Variants in ENTHD1 observed in about 807,000 individuals in gnomAD.
ENTHD1 encodes ENTH domain-containing protein 1.
Under a neutral mutation model 39.1 loss-of-function variants are expected in ENTHD1, and 23 were observed. The observed-to-expected ratio is 0.59, with a 90% confidence interval of 0.42 to 0.83. The LOEUF (loss-of-function observed/expected upper bound fraction) is 0.83. ENTHD1 is among the 40% of genes least tolerant of loss of function. ENTHD1 has a pLI of 0.00. For synonymous variants in ENTHD1, 230 were observed against 258.2 expected (o/e 0.89, Z 1.05); for missense variants, 624 against 705.4 (o/e 0.88, Z 1.31).
At chr22:39,821,380 A>G (rs1404940381) in intron 4 of ENTHD1, among the ~76,000 whole-genome samples, 2 of 152,224 alleles carry the variant, frequency 1.3e-5, no homozygotes, top group African/African-American at 4.8e-5. Flanking sequence ...ACCACCCTTC[A>G]GCATCCTTAC....
At chr22:39,885,977 A>G (rs1400883519) in intron 2 of ENTHD1, among the ~76,000 whole-genome samples, 1 of 152,172 alleles carries the variant, frequency 6.6e-6, no homozygotes. Context: ...CTAAAAAATT[A>G]TACTGTAATA....
At chr22:39,817,235 A>C (rs1389509617) in intron 5 of ENTHD1, among the ~76,000 whole-genome samples, 1 of 152,194 alleles carries the variant, frequency 6.6e-6, no homozygotes, top group African/African-American at 2.4e-5. Context: ...ACAAATTATG[A>C]CCAAGAGAAT....
In ENTHD1 at chr22:39,869,154, C is replaced by T. The variant is rs545832846; in HGVS notation, c.350-7147G>A. On this transcript the variant is annotated intron_variant, in intron 2 of 6. Transcript: ENST00000325157. ...GAAATACATAATTCTGCCAAAAATACACATGCACTTGTATGTTCACTGCAG... is the reference window on the plus strand; with the variant it reads ...GAAATACATAATTCTGCCAAAAATATACATGCACTTGTATGTTCACTGCAG... Among the ~76,000 whole-genome samples the T allele has an allele frequency of 5.9e-5, 9 of 152,290 alleles. No individual in the cohort carries two copies. In the South Asian group the frequency reaches 1.9e-3, roughly 32 times the overall value.
chr22:39,804,452 CAAAAAAAA>C (rs541007024), intron 5 of ENTHD1, among the ~76,000 whole-genome samples: 1 of 78,062 alleles, frequency 1.3e-5, no homozygotes, highest in Non-Finnish European at 2.7e-5. Context: ...GACTCTGTCT[CAAAAAAAA>C]AAAAAAAAAA....
chr22:39,797,261 T>G (rs2065558169), intron 5 of ENTHD1, among the ~76,000 whole-genome samples: 1 of 152,204 alleles, frequency 6.6e-6, no homozygotes, highest in Non-Finnish European at 1.5e-5. Context: ...GTAAAGTGAG[T>G]TTATCGTAGG....
intron 6 of ENTHD1, among the ~76,000 whole-genome samples, chr22:39,762,875 T>G (rs1022782749): frequency 3.3e-5 from 5 of 152,216 alleles, no homozygotes; most frequent in Non-Finnish European, 5.9e-5. Flanking sequence ...GAATCTAGAT[T>G]ACTGTGGATC....
At chr22:39,852,951 A>T (rs568035362) in intron 3 of ENTHD1, among the ~76,000 whole-genome samples, 1 of 152,194 alleles carries the variant, frequency 6.6e-6, no homozygotes, top group Non-Finnish European at 1.5e-5. Flanking sequence ...TTTTAGTTAC[A>T]ACCACAGTTT....
At chr22:39,759,345 T>A (rs770634089) in intron 6 of ENTHD1, among the ~76,000 whole-genome samples, 5 of 152,146 alleles carry the variant, frequency 3.3e-5, no homozygotes, top group Non-Finnish European at 7.4e-5. Flanking sequence ...TCTTCGCAGG[T>A]CAATTTTAGC....
At chr22:39,803,749 C>T (rs921877985) in intron 5 of ENTHD1, among the ~76,000 whole-genome samples, 2 of 152,162 alleles carry the variant, frequency 1.3e-5, no homozygotes, top group African/African-American at 4.8e-5. Flanking sequence ...GTCTAGAGAT[C>T]ACCTACTATA....
At chr22:39,757,415 T>A (rs1451064939) in intron 6 of ENTHD1, among the ~76,000 whole-genome samples, 4 of 152,024 alleles carry the variant, frequency 2.6e-5, no homozygotes, top group African/African-American at 9.7e-5. Flanking sequence ...GACCACAAGG[T>A]GTGCACCACC....
chr22:39,783,901 A>G (rs1221011986), intron 5 of ENTHD1, among the ~76,000 whole-genome samples: 2 of 152,118 alleles, frequency 1.3e-5, no homozygotes. Context: ...AGACAAATGG[A>G]ATTACATCAA....
chr22:39,792,828 C>T (rs1298281095), intron 5 of ENTHD1, among the ~76,000 whole-genome samples: 1 of 152,138 alleles, frequency 6.6e-6, no homozygotes, highest in Non-Finnish European at 1.5e-5. Flanking sequence ...TTTATCTAGT[C>T]ATCTGTGATG....
chr22:39,781,900 CA>C (rs1329355735), intron 5 of ENTHD1, among the ~76,000 whole-genome samples: 1 of 152,094 alleles, frequency 6.6e-6, no homozygotes, highest in Non-Finnish European at 1.5e-5. Context: ...CAACAAATTG[CA>C]AAACCCAGAA....
chr22:39,875,897 G>T, intron 2 of ENTHD1: 9 of 1,613,978 alleles, frequency 5.6e-6, no homozygotes, highest in Non-Finnish European at 5.9e-6. Context: ...GCATGATCTA[G>T]ATCGAGTAAA....
At chr22:39,762,281 GT>G (rs1435731122) in intron 6 of ENTHD1, among the ~76,000 whole-genome samples, 2 of 151,996 alleles carry the variant, frequency 1.3e-5, no homozygotes, top group African/African-American at 2.4e-5. Flanking sequence ...CCTCTTTTAG[GT>G]TTTCATTGAT....
At chr22:39,763,000 T>TG (rs1228094049) in intron 6 of ENTHD1, among the ~76,000 whole-genome samples, 1 of 152,164 alleles carries the variant, frequency 6.6e-6, no homozygotes, top group East Asian at 1.9e-4. Context: ...AAGAGCTCTC[T>TG]GGAAAGGATT....
chr22:39,825,475 C>G lies in ENTHD1; in HGVS notation c.712-4362G>C, dbSNP rs148656756. The stretch of plus-strand genomic sequence containing the variant: ...TGCCTCATAAAATGAATTGGGAAGT[C>G]TTCCCTCCTGTTCCATTTTCTGGAA... On this transcript the variant is annotated intron_variant, in intron 4 of 6. Coordinates refer to ENST00000325157, the MANE Select transcript of ENTHD1 (RefSeq NM_152512.4). Among the ~76,000 whole-genome samples, 314 of 152,240 alleles carry G rather than the reference C, an allele frequency of 2.1e-3. 2 individuals carry two copies. Among genetic ancestry groups the G allele is most frequent in the African/African-American group, 7.1e-3 (296 of 41,560 alleles).
At chr22:39,841,010 G>A (rs1304360330) in intron 3 of ENTHD1, among the ~76,000 whole-genome samples, 1 of 152,086 alleles carries the variant, frequency 6.6e-6, no homozygotes, top group African/African-American at 2.4e-5. Flanking sequence ...AAAGTGCTGG[G>A]ATTACAGGTG....
rs531096963 is a variant in ENTHD1, at chr22:39,834,037, TA to T, written c.711+1802del. Among the ~76,000 whole-genome samples, 65 of 151,806 alleles carry T rather than the reference TA, an allele frequency of 4.3e-4. No homozygotes were observed. In the South Asian group the frequency reaches 0.013, roughly 31 times the overall value. ...TCAAAATAGATCACAGACCTAAACG[TA>T]AAACATGACACTTTTAGGAGAAAAC... On this transcript the variant is annotated intron_variant, in intron 4 of 6. Transcript: ENST00000325157.
Sources: gnomAD v4.1 joint callset for allele counts (sites outside exome capture counted in the v4.1 genomes callset) on GRCh38, gnomAD v4.1.1 for gene constraint, MANE v1.5 for transcripts, NCBI Gene and HGNC (gene_info 2026-07-23, HGNC 2026-07-21) for gene names.